The following PAK3 variants were observed in gnomAD, a reference collection of about 807,000 sequenced individuals.
The protein encoded by PAK3 is p21 (RAC1) activated kinase 3.
A neutral mutation model predicts 41.0 loss-of-function variants in PAK3; 4 were observed. The observed-to-expected ratio is 0.10, with a 90% confidence interval of 0.05 to 0.22. The LOEUF (loss-of-function observed/expected upper bound fraction) is 0.22, where lower values mean the gene tolerates loss of function less well. Ranked by LOEUF, PAK3 falls within the 10% of genes least tolerant of loss-of-function variation. PAK3 has a pLI of 1.00. For synonymous variants in PAK3, 146 were observed against 139.6 expected (o/e 1.05, Z -0.32); for missense variants, 205 against 409.9 (o/e 0.50, Z 4.32).
intron 1 of PAK3, among the ~76,000 whole-genome samples, chrX:111,004,810 T>C (rs1327171084): frequency 2.7e-5 from 3 of 112,238 alleles, no homozygotes; most frequent in Non-Finnish European, 5.6e-5. Flanking sequence ...CATTTGGGCT[T>C]TGGTGATAAC....
chrX:111,153,536 G>T (rs2094060791), intron 8 of PAK3, among the ~76,000 whole-genome samples: 1 of 111,244 alleles, frequency 9.0e-6, no homozygotes, highest in Non-Finnish European at 1.9e-5. Flanking sequence ...TTTTTTTAGG[G>T]GTGAAATAAT....
chrX:111,180,984 GGTTT>G (rs779592894), intron 11 of PAK3, among the ~76,000 whole-genome samples: 2 of 111,897 alleles, frequency 1.8e-5, no homozygotes, highest in East Asian at 2.8e-4. Context: ...CCTCCTTAGA[GGTTT>G]GTTTATTTAA....
chrX:111,087,051 C>T (rs912810661), intron 1 of PAK3, among the ~76,000 whole-genome samples: 3 of 110,417 alleles, frequency 2.7e-5, no homozygotes, highest in Non-Finnish European at 3.8e-5. Context: ...CAACTTGCCC[C>T]CTTTCCTTTT....
At chrX:111,121,530 C>T (rs1603265622) in intron 4 of PAK3, among the ~76,000 whole-genome samples, 1 of 111,964 alleles carries the variant, frequency 8.9e-6, no homozygotes, top group South Asian at 3.7e-4. Context: ...ACTATAACCA[C>T]TAAAGGGCCG....
chrX:111,162,107 T>C (rs1160145956), intron 8 of PAK3, among the ~76,000 whole-genome samples: 5 of 111,424 alleles, frequency 4.5e-5, no homozygotes, highest in Non-Finnish European at 9.4e-5. Flanking sequence ...TTCTAACAAG[T>C]TCCTTAATGA....
chrX:111,005,778 A>G (rs925250825), intron 1 of PAK3, among the ~76,000 whole-genome samples: 4 of 111,522 alleles, frequency 3.6e-5, no homozygotes, highest in African/African-American at 1.3e-4. Context: ...AGGATATACC[A>G]TTTTCAAGGC....
At chrX:111,119,780 C>A (rs1242163951) in intron 4 of PAK3, among the ~76,000 whole-genome samples, 1 of 112,155 alleles carries the variant, frequency 8.9e-6, no homozygotes, top group African/African-American at 3.2e-5. Context: ...ACTTGGGAAA[C>A]AAATACTTTA....
intron 15 of PAK3, 152 bp from the exon 16 acceptor site, chrX:111,196,292 A>C (rs1206972780): frequency 2.0e-6 from 1 of 495,669 alleles, no homozygotes; most frequent in Non-Finnish European, 3.5e-6. Flanking sequence ...TAAAATCAGG[A>C]CCAGCTGAGA....
At chrX:111,071,747 C>A (rs969744418) in intron 1 of PAK3, among the ~76,000 whole-genome samples, 1 of 111,937 alleles carries the variant, frequency 8.9e-6, no homozygotes, top group Admixed American at 9.5e-5. Context: ...TAGTACTGTT[C>A]AAATTTTCTA....
intron 1 of PAK3, among the ~76,000 whole-genome samples, chrX:111,009,120 C>T (rs1284130830): frequency 9.0e-6 from 1 of 110,944 alleles, no homozygotes. Flanking sequence ...GTTACAGAAC[C>T]ACAGCTCTTC....
At chrX:110,989,675 A>G (rs2091608199) in intron 1 of PAK3, among the ~76,000 whole-genome samples, 1 of 111,998 alleles carries the variant, frequency 8.9e-6, no homozygotes, top group Non-Finnish European at 1.9e-5. Context: ...ATGAGGAAGT[A>G]CAGACTCAGA....
At chrX:111,088,758 C>T (rs910476166) in intron 1 of PAK3, among the ~76,000 whole-genome samples, 2 of 112,042 alleles carry the variant, frequency 1.8e-5, no homozygotes, top group Non-Finnish European at 3.8e-5. Flanking sequence ...TAAGGCATCA[C>T]TGGTAAGAAA....
chrX:111,120,541 C>A (rs2093552005), intron 4 of PAK3, among the ~76,000 whole-genome samples: 1 of 111,772 alleles, frequency 8.9e-6, no homozygotes, highest in African/African-American at 3.3e-5. Context: ...CTGGCTCAGA[C>A]TCTTACTTGT....
At chrX:111,001,068 AG>A (rs1198223332) in intron 1 of PAK3, among the ~76,000 whole-genome samples, 5 of 111,926 alleles carry the variant, frequency 4.5e-5, no homozygotes, top group African/African-American at 1.6e-4. Context: ...GGAAATGCAA[AG>A]GTGCTGAGGG....
At chrX:111,171,237 C>G (rs761855210) in intron 10 of PAK3, among the ~76,000 whole-genome samples, 2 of 111,458 alleles carry the variant, frequency 1.8e-5, no homozygotes, top group Admixed American at 9.5e-5. Context: ...CAGATCTTCT[C>G]TTGATTAGTT....
chrX:111,123,014 A>G (rs2093600877), intron 4 of PAK3, 63 bp from the exon 5 acceptor site: 1 of 653,625 alleles, frequency 1.5e-6, no homozygotes, highest in African/African-American at 2.2e-5. Flanking sequence ...TAGAATCCAC[A>G]TATTTATTAG....
At chrX:111,220,335 C>T in intron 17 of PAK3, 23 bp from the exon 18 acceptor site, 2 of 1,007,141 alleles carry the variant, frequency 2.0e-6, no homozygotes, top group Non-Finnish European at 2.8e-6. Flanking sequence ...TCCAATAATT[C>T]CTCTTTTTCC....
intron 6 of PAK3, chrX:111,145,047 A>G (rs2093925554): frequency 2.5e-6 from 1 of 394,329 alleles, no homozygotes. Context: ...TTGGTATCCT[A>G]TACACAGTCA....
chrX:111,130,362 A>G (rs1479983548), intron 5 of PAK3, among the ~76,000 whole-genome samples: 1 of 111,949 alleles, frequency 8.9e-6, no homozygotes, highest in African/African-American at 3.2e-5. Context: ...TTATCTGTAC[A>G]TTAAAGCCTG....
Sources: allele counts gnomAD v4.1 joint callset (sites outside exome capture counted in the v4.1 genomes callset), GRCh38; gene constraint gnomAD v4.1.1; transcripts MANE v1.5; gene names NCBI Gene and HGNC (gene_info 2026-07-23, HGNC 2026-07-21).